Variants in U2SURP observed in about 807,000 individuals in gnomAD.
U2SURP encodes the protein U2 snRNP-associated SURP motif-containing protein.
In U2SURP, 9 loss-of-function variants were observed where a neutral mutation model predicts 144.9. The observed-to-expected ratio is 0.06, with a 90% CI of 0.04 to 0.11. The LOEUF is 0.11. U2SURP is among the 10% of genes least tolerant of loss of function. The probability of loss-of-function intolerance (pLI) is 1.00; values close to 1 mark genes in which losing one functional copy is unlikely to be tolerated. For missense variants in U2SURP, 724 were observed against 1,226.7 expected, an observed-to-expected ratio of 0.59 and a Z score of 6.12; for synonymous variants, 408 against 396.8, an observed-to-expected ratio of 1.03 and a Z score of -0.33.
intron 6 of U2SURP, 43 bp downstream of exon 6, chr3:143,017,018 A>ACACTGCCAGTGATACTTC (rs747362396): frequency 6.6e-7 from 1 of 1,521,994 alleles, no homozygotes; most frequent in Non-Finnish European, 8.8e-7. Context: ...TTCAGAGATG[A>ACACTGCCAGTGATACTTC]CACTGCCAGT....
chr3:143,013,706 G>A (rs989183065), intron 3 of U2SURP, among the ~76,000 whole-genome samples: 8 of 151,990 alleles, frequency 5.3e-5, no homozygotes, highest in African/African-American at 1.9e-4. Context: ...CATTAAAATA[G>A]TGTTTTCTTA....
At chr3:143,027,348 C>T (rs1297905300) in intron 14 of U2SURP, 95 bp downstream of exon 14, 5 of 896,164 alleles carry the variant, frequency 5.6e-6, no homozygotes, top group African/African-American at 1.7e-5. Context: ...TAAGTACATT[C>T]ACATTGTTGT....
At chr3:143,038,276 GTTTTCC>G in intron 22 of U2SURP, 73 bp downstream of exon 22, 1 of 1,151,570 alleles carries the variant, frequency 8.7e-7, no homozygotes, top group Non-Finnish European at 1.2e-6. Context: ...TTGTATATAT[GTTTTCC>G]TTTTATGTTT....
chr3:143,055,737 CACCT>C (rs1316552037), intron 27 of U2SURP, among the ~76,000 whole-genome samples: 9 of 152,108 alleles, frequency 5.9e-5, no homozygotes, highest in Non-Finnish European at 8.8e-5. Flanking sequence ...TTCTAAATGG[CACCT>C]GTATATATAT....
At chr3:143,039,413 C>A (rs987424494) in intron 23 of U2SURP, among the ~76,000 whole-genome samples, 3 of 151,698 alleles carry the variant, frequency 2.0e-5, no homozygotes, top group Non-Finnish European at 4.4e-5. Context: ...AGGAAAAAAT[C>A]TTTTCTTTTG....
chr3:143,011,042 T>G (rs1484008275), intron 2 of U2SURP, among the ~76,000 whole-genome samples, 183 bp downstream of exon 2: 1 of 151,962 alleles, frequency 6.6e-6, no homozygotes, highest in Non-Finnish European at 1.5e-5. Flanking sequence ...AACTTAGCCC[T>G]CTGAAGCGAT....
chr3:143,031,475 CAG>C, intron 16 of U2SURP, among the ~76,000 whole-genome samples: 2 of 152,116 alleles, frequency 1.3e-5, no homozygotes, highest in African/African-American at 4.8e-5. Flanking sequence ...CCACCCTGAT[CAG>C]TTGGCCATCA....
chr3:143,029,725 T>C (rs1933368772), intron 16 of U2SURP, among the ~76,000 whole-genome samples: 1 of 152,210 alleles, frequency 6.6e-6, no homozygotes, highest in Admixed American at 6.5e-5. Context: ...TGTCAAAAGA[T>C]GAGGTTGGCT....
chr3:143,027,234 A>G lies in U2SURP; in HGVS notation c.1360A>G (p.Ile454Val). 4 of 1,612,642 alleles carry G rather than the reference A, an allele frequency of 2.5e-6. No individual in the cohort carries two copies. Among genetic ancestry groups the G allele is most frequent in the Non-Finnish European group, 3.4e-6 (4 of 1,178,864 alleles). ...MFEAMIMNRE[I>V]NNPMFRFLFE... ...TGAAGCTATGATTATGAACAGAGAA[A>G]TCAACAATCCTATGTTCAGGTGTGC... Residue 454 changes from isoleucine to valine, a missense_variant, in exon 14 of 28, where the codon ATC becomes GTC. By Grantham distance (29) the Ile-to-Val change is conservative. Coordinates refer to ENST00000473835, the MANE Select transcript of U2SURP (RefSeq NM_001080415.2).
Position 143,030,717 on chromosome 3 carries a change from C to T in U2SURP, c.1611-2067C>T, listed in dbSNP as rs553686154. 2.1e-3 allele frequency among the ~76,000 whole-genome samples: 321 copies of T among 152,134 alleles called. 3 individuals carry two copies. Among genetic ancestry groups the T allele is most frequent in the African/African-American group, 7.4e-3 (305 of 41,496 alleles). ...GTGGGTCTGGGAAAAAGTCAGAAAC[C>T]TTGTGGAAAGCATTTATCATTCCAA... On this transcript the variant is annotated intron_variant, in intron 16 of 27. Coordinates refer to ENST00000473835, the MANE Select transcript of U2SURP (RefSeq NM_001080415.2).
intron 24 of U2SURP, 29 bp from the exon 25 acceptor site, chr3:143,050,910 G>T: frequency 3.5e-6 from 5 of 1,443,360 alleles, no homozygotes; most frequent in Non-Finnish European, 3.8e-6. Context: ...TGATGAAAAT[G>T]CTTATTTTTA....
At chr3:143,012,095 G>A in intron 2 of U2SURP, 127 bp from the exon 3 acceptor site, 2 of 1,190,700 alleles carry the variant, frequency 1.7e-6, no homozygotes, top group African/African-American at 1.5e-5. Flanking sequence ...TGATATTAAG[G>A]GATGTGATAT....
chr3:143,041,377 T>C (rs1250265693), intron 23 of U2SURP, among the ~76,000 whole-genome samples: 1 of 151,986 alleles, frequency 6.6e-6, no homozygotes, highest in Non-Finnish European at 1.5e-5. Context: ...AAACTTTTTT[T>C]CCAAGAAGAA....
chr3:143,037,604 T>C (rs1001617074), intron 21 of U2SURP, among the ~76,000 whole-genome samples: 1 of 152,118 alleles, frequency 6.6e-6, no homozygotes, highest in Non-Finnish European at 1.5e-5. Context: ...TTAGCAAGTT[T>C]CTCTTTTTGT....
At chr3:143,013,804 C>G (rs778647459) in intron 3 of U2SURP, among the ~76,000 whole-genome samples, 70 of 151,934 alleles carry the variant, frequency 4.6e-4, no homozygotes, top group Non-Finnish European at 9.1e-4. Context: ...AAATTATGTT[C>G]ATAAATATCA....
At position 143,028,455 on chromosome 3, in the gene U2SURP, C is replaced by T. The variant is rs529852771; in HGVS notation, c.1447-28C>T. The T allele has an allele frequency of 3.7e-6, 6 of 1,603,988 alleles. No homozygotes were observed. In the African/African-American group the frequency reaches 5.4e-5, roughly 14 times the overall value. ...TAATTTTGACTCTGAGTAATTAGAC[C>T]TTTATAATAACTCTAAATGTTTGTT... On this transcript the variant is annotated intron_variant, in intron 15 of 27. Transcript: ENST00000473835.
intron 4 of U2SURP, among the ~76,000 whole-genome samples, chr3:143,015,320 T>C (rs1246560981): frequency 1.3e-5 from 2 of 152,042 alleles, no homozygotes; most frequent in African/African-American, 4.8e-5. Context: ...CAAGGTACAA[T>C]TTTTTTTCTC....
intron 24 of U2SURP, among the ~76,000 whole-genome samples, chr3:143,046,031 T>TA (rs1934413613): frequency 6.6e-6 from 1 of 152,188 alleles, no homozygotes; most frequent in Non-Finnish European, 1.5e-5. Context: ...GGAGAACCAT[T>TA]AAATTAAGAA....
chr3:143,003,153 T>G (rs1560170417), intron 1 of U2SURP, among the ~76,000 whole-genome samples: 1 of 152,226 alleles, frequency 6.6e-6, no homozygotes, highest in Non-Finnish European at 1.5e-5. Context: ...AAATAGTGCT[T>G]CTCATGACTG....
Sources: allele counts gnomAD v4.1 joint callset (sites outside exome capture counted in the v4.1 genomes callset), GRCh38; gene constraint gnomAD v4.1.1; transcripts MANE v1.5; gene names NCBI Gene and HGNC (gene_info 2026-07-23, HGNC 2026-07-21).